The following PDE7B variants were observed in gnomAD, a reference collection of about 807,000 sequenced individuals.
PDE7B encodes 3',5'-cyclic-AMP phosphodiesterase 7B.
In PDE7B, 29 loss-of-function variants were observed where a neutral mutation model predicts 56.2. The observed-to-expected ratio is 0.52, with a 90% CI of 0.38 to 0.70. PDE7B has a LOEUF of 0.70. Among genes scored for constraint, PDE7B ranks in the 30% least tolerant of loss-of-function variants. PDE7B has a pLI of 0.00. For missense variants in PDE7B, 490 were observed against 565.0 expected (o/e 0.87, Z 1.35); for synonymous variants, 197 against 196.9 (o/e 1.00, Z 0.00).
At chr6:136,031,694 C>A (rs1165920153) in intron 2 of PDE7B, among the ~76,000 whole-genome samples, 1 of 148,932 alleles carries the variant, frequency 6.7e-6, no homozygotes, top group East Asian at 2.0e-4. Flanking sequence ...AGCCGAGATC[C>A]CGCCACTGCA....
chr6:135,953,081 T>A (rs1774728466), intron 2 of PDE7B, among the ~76,000 whole-genome samples: 1 of 152,146 alleles, frequency 6.6e-6, no homozygotes, highest in African/African-American at 2.4e-5. Context: ...ACATGTTAAT[T>A]CTATTTTTCC....
At chr6:136,091,830 G>A (rs999152407) in intron 2 of PDE7B, among the ~76,000 whole-genome samples, 5 of 151,980 alleles carry the variant, frequency 3.3e-5, no homozygotes, top group Non-Finnish European at 5.9e-5. Context: ...TTTTTTTAAT[G>A]TGTGGGAGCC....
chr6:136,086,770 G>A (rs1777299442), intron 2 of PDE7B, among the ~76,000 whole-genome samples: 1 of 152,214 alleles, frequency 6.6e-6, no homozygotes, highest in African/African-American at 2.4e-5. Flanking sequence ...AACATAAAAT[G>A]GAAAATACTG....
intron 1 of PDE7B, among the ~76,000 whole-genome samples, chr6:135,922,695 C>T (rs1157573464): frequency 6.6e-6 from 1 of 152,094 alleles, no homozygotes; most frequent in African/African-American, 2.4e-5. Flanking sequence ...ACAATGAATG[C>T]AAAATCAATC....
At chr6:136,189,515 G>A (rs993483280) in intron 12 of PDE7B, among the ~76,000 whole-genome samples, 2 of 152,190 alleles carry the variant, frequency 1.3e-5, no homozygotes. Flanking sequence ...AGGCTGCAGT[G>A]AGCCATGATC....
chr6:136,098,411 C>G (rs1448321890), intron 2 of PDE7B, among the ~76,000 whole-genome samples: 1 of 152,026 alleles, frequency 6.6e-6, no homozygotes, highest in Non-Finnish European at 1.5e-5. Context: ...GTGTAAGAGT[C>G]TAAGTAAATC....
At chr6:136,104,825 C>T (rs1191701655) in intron 2 of PDE7B, among the ~76,000 whole-genome samples, 1 of 152,166 alleles carries the variant, frequency 6.6e-6, no homozygotes, top group African/African-American at 2.4e-5. Flanking sequence ...TTATTTACTA[C>T]ACCAAAGGGG....
chr6:136,066,033 G>T (rs977373794), intron 2 of PDE7B, among the ~76,000 whole-genome samples: 6 of 132,820 alleles, frequency 4.5e-5, no homozygotes, highest in Non-Finnish European at 8.3e-5. Flanking sequence ...TTCCATAAAG[G>T]CTTTTTTTGT....
intron 3 of PDE7B, among the ~76,000 whole-genome samples, chr6:136,130,751 A>T (rs1475224752): frequency 1.3e-5 from 2 of 152,144 alleles, no homozygotes; most frequent in East Asian, 3.9e-4. Flanking sequence ...TGGGTAATTT[A>T]TAAAGAAAAA....
chr6:135,914,238 AC>A (rs2128194238), intron 1 of PDE7B, among the ~76,000 whole-genome samples: 1 of 152,236 alleles, frequency 6.6e-6, no homozygotes, highest in African/African-American at 2.4e-5. Context: ...ATATACATTA[AC>A]ATTTGTCCTT....
intron 2 of PDE7B, among the ~76,000 whole-genome samples, chr6:136,098,978 A>G (rs1304524722): frequency 8.5e-6 from 1 of 117,770 alleles, no homozygotes; most frequent in African/African-American, 3.4e-5. Context: ...CCCTGTGTCC[A>G]TGTGTTCTCA....
chr6:135,976,446 G>A (rs1200410853), intron 2 of PDE7B, among the ~76,000 whole-genome samples: 2 of 152,142 alleles, frequency 1.3e-5, no homozygotes, highest in Non-Finnish European at 2.9e-5. Context: ...CTGGGGAAGG[G>A]CTGCAGTGAT....
intron 2 of PDE7B, among the ~76,000 whole-genome samples, chr6:135,998,720 C>T (rs1271867499): frequency 6.6e-6 from 1 of 151,536 alleles, no homozygotes; most frequent in Non-Finnish European, 1.5e-5. Context: ...GGCGCCACTG[C>T]ACTCCAGCCT....
intron 6 of PDE7B, among the ~76,000 whole-genome samples, chr6:136,152,949 G>A (rs1425833556): frequency 6.6e-6 from 1 of 152,206 alleles, no homozygotes; most frequent in East Asian, 1.9e-4. Context: ...AGGAAACTGA[G>A]GGAACTTGCA....
chr6:136,117,483 A>G (rs1435351942), intron 3 of PDE7B, among the ~76,000 whole-genome samples: 1 of 152,236 alleles, frequency 6.6e-6, no homozygotes, highest in Non-Finnish European at 1.5e-5. Context: ...TTTCAAACTG[A>G]GATCTCAGGG....
chr6:136,081,085 G>A (rs1214054005), intron 2 of PDE7B, among the ~76,000 whole-genome samples: 1 of 152,198 alleles, frequency 6.6e-6, no homozygotes, highest in Non-Finnish European at 1.5e-5. Flanking sequence ...TGGAGAATTG[G>A]ACAGAGTCAG....
chr6:136,172,213 ACT>A (rs1158953115), intron 8 of PDE7B, among the ~76,000 whole-genome samples: 4 of 152,204 alleles, frequency 2.6e-5, no homozygotes, highest in African/African-American at 9.6e-5. Flanking sequence ...GAATCGCCAC[ACT>A]GACTTCCACA....
At chr6:136,137,329 A>G (rs1022202383) in intron 3 of PDE7B, among the ~76,000 whole-genome samples, 1 of 152,132 alleles carries the variant, frequency 6.6e-6, no homozygotes, top group African/African-American at 2.4e-5. Flanking sequence ...CTAACCAAGC[A>G]AGAAATTTTA....
intron 9 of PDE7B, among the ~76,000 whole-genome samples, chr6:136,174,263 C>T (rs972498600): frequency 2.0e-5 from 3 of 152,144 alleles, no homozygotes; most frequent in Non-Finnish European, 4.4e-5. Flanking sequence ...GGAACCCAGG[C>T]ATTCTAAAGC....
Sources: allele counts gnomAD v4.1 joint callset (sites outside exome capture counted in the v4.1 genomes callset), GRCh38; gene constraint gnomAD v4.1.1; transcripts MANE v1.5; gene names NCBI Gene and HGNC (gene_info 2026-07-23, HGNC 2026-07-21).